The following NECTIN1 variants were observed in gnomAD, a reference collection of about 807,000 sequenced individuals.
The protein encoded by NECTIN1 is nectin cell adhesion molecule 1.
Under a neutral mutation model 48.0 loss-of-function variants are expected in NECTIN1, and 23 were observed. The observed-to-expected ratio is 0.48, with a 90% CI of 0.34 to 0.68. NECTIN1 has a LOEUF of 0.68. NECTIN1 is among the 30% of genes least tolerant of loss of function. The pLI is 0.01. For synonymous variants in NECTIN1, 270 were observed against 288.9 expected (o/e 0.93, Z 0.66); for missense variants, 591 against 709.9 (o/e 0.83, Z 1.90).
chr11:119,716,847 C>T (rs1447576328), intron 1 of NECTIN1, among the ~76,000 whole-genome samples: 1 of 152,218 alleles, frequency 6.6e-6, no homozygotes, highest in Non-Finnish European at 1.5e-5. Flanking sequence ...CAGGCGCGTG[C>T]ACACGCGCGC....
chr11:119,722,503 G>A (rs891056018), intron 1 of NECTIN1, among the ~76,000 whole-genome samples: 1 of 152,234 alleles, frequency 6.6e-6, no homozygotes, highest in African/African-American at 2.4e-5. Flanking sequence ...CTATGGCCAC[G>A]GCTAGCCTCC....
At chr11:119,713,338 A>C (rs1331743822) in intron 1 of NECTIN1, among the ~76,000 whole-genome samples, 1 of 152,158 alleles carries the variant, frequency 6.6e-6, no homozygotes, top group African/African-American at 2.4e-5. Flanking sequence ...AGAGCCTAGA[A>C]GGATCTCTAG....
exon 6 of NECTIN1, chr11:119,639,934 A>T (rs7940667): frequency 1.9e-6 from 3 of 1,614,074 alleles, no homozygotes; most frequent in East Asian, 2.2e-5. Context: ...GAGCACAGCA[A>T]CTAGGATGAG....
intron 1 of NECTIN1, among the ~76,000 whole-genome samples, chr11:119,700,516 T>C (rs1272409807): frequency 6.6e-6 from 1 of 152,178 alleles, no homozygotes; most frequent in African/African-American, 2.4e-5. Context: ...GCTTGGCCAG[T>C]CTGGGGGTCT....
chr11:119,695,490 G>A (rs1444538921), intron 1 of NECTIN1, among the ~76,000 whole-genome samples: 4 of 152,100 alleles, frequency 2.6e-5, no homozygotes, highest in South Asian at 4.1e-4. Flanking sequence ...CACCCCCGAC[G>A]TCCCAGCACA....
chr11:119,689,302 C>T (rs1169996329), intron 1 of NECTIN1, among the ~76,000 whole-genome samples: 1 of 152,190 alleles, frequency 6.6e-6, no homozygotes, highest in African/African-American at 2.4e-5. Context: ...CAGGTGGTTC[C>T]AGCCTCGCAG....
chr11:119,678,722 G>A lies in NECTIN1; in HGVS notation c.123C>T (p.Gly41=). ...GCAGAACCACGTCTGTGCCGATGAA[G>A]CCATACATGGAGTCGTTCACCTGGA... is the stretch of plus-strand genomic sequence containing the variant. ...QVVQVNDSMY[G]FIGTDVVLHC... is the part of the protein sequence containing the mutation. The change falls in exon 2 of 6, where the codon GGC becomes GGT. Residue 41 remains glycine (G), a synonymous_variant. Transcript: ENST00000264025. This position sits in a 1 kb window ranked among gnomAD's most constrained non-coding sequence, Gnocchi z 4.4. 1 of 1,613,632 alleles carries A rather than the reference G, an allele frequency of 6.2e-7. No homozygotes were observed. The highest frequency in any genetic ancestry group is 1.3e-5 in the African/African-American group (1 of 75,022).
rs576607125 is a variant in NECTIN1, at chr11:119,677,915, C to T, written c.431-58G>A. 6.6e-5 allele frequency: 103 copies of T among 1,563,388 alleles called. 1 individual carries two copies. Among genetic ancestry groups the T allele is most frequent in the East Asian group, 4.3e-4 (19 of 44,538 alleles). ...CCCTGTTGACTTGTCCAAGATGCAC[C>T]GGCCAAAAGGGCGTGGCATCCGTCA... On this transcript the variant is annotated intron_variant, in intron 2 of 5. Transcript: ENST00000264025. This position sits in a 1 kb window ranked among gnomAD's most constrained non-coding sequence, Gnocchi z 5.4.
chr11:119,727,807 G>A lies in NECTIN1; in HGVS notation c.79+668C>T, dbSNP rs1865936328. The stretch of plus-strand genomic sequence containing the variant: ...AAGCCCGCGGTGTCTCCTCCAGGGA[G>A]AGCCCCCAGAGCTGGGAGCAGAGTT... On this transcript the variant is annotated intron_variant, in intron 1 of 5. Coordinates refer to ENST00000264025, the MANE Select transcript of NECTIN1 (RefSeq NM_002855.5). This position sits in a 1 kb window ranked among gnomAD's most constrained non-coding sequence, Gnocchi z 4.1. Among the ~76,000 whole-genome samples the A allele has an allele frequency of 6.6e-6, 1 of 152,218 alleles. No individual in the cohort carries two copies. The highest frequency in any genetic ancestry group is 1.5e-5 in the Non-Finnish European group (1 of 68,028).
At position 119,669,651 on chromosome 11, in the gene NECTIN1, G is replaced by A. The variant is rs564649357; in HGVS notation, c.1004-4354C>T. The stretch of plus-strand genomic sequence containing the variant: ...CAATGACTCTCCCTAGAGCCTTAAC[G>A]TGCTCTGCTTGCCCTACGCCCCGCC... On this transcript the variant is annotated intron_variant, in intron 5 of 5. Transcript: ENST00000264025. Among the ~76,000 whole-genome samples, 58 of 152,124 alleles carry A rather than the reference G, an allele frequency of 3.8e-4. 1 individual carries two copies. The highest frequency in any genetic ancestry group is 1.2e-3 in the African/African-American group (51 of 41,508).
At chr11:119,647,158 CGCATGTGTGTGTGTGTGTGTGTGTGT>C (rs1246937148) in intron 5 of NECTIN1, among the ~76,000 whole-genome samples, 1 of 91,694 alleles carries the variant, frequency 1.1e-5, no homozygotes, top group African/African-American at 4.2e-5. Context: ...GAGCTTGCGG[CGCATGTGTGTGTGTGTGTGTGTGTGT>C]GTGTGTGTGT....
intron 1 of NECTIN1, among the ~76,000 whole-genome samples, chr11:119,680,899 G>C (rs1019016701): frequency 6.6e-6 from 1 of 152,244 alleles, no homozygotes; most frequent in Non-Finnish European, 1.5e-5. Flanking sequence ...ATCCAGCCAC[G>C]AGTTGGGAAG....
intron 1 of NECTIN1, among the ~76,000 whole-genome samples, chr11:119,703,839 T>C (rs1284061597): frequency 6.6e-6 from 1 of 152,178 alleles, no homozygotes; most frequent in Non-Finnish European, 1.5e-5. Context: ...GCTAGAGTAA[T>C]GAGATGCGCG....
At chr11:119,703,063 T>G (rs1865484209) in intron 1 of NECTIN1, among the ~76,000 whole-genome samples, 1 of 152,232 alleles carries the variant, frequency 6.6e-6, no homozygotes, top group Non-Finnish European at 1.5e-5. Context: ...CATGAGAACA[T>G]GCATGGCACC....
At chr11:119,650,534 A>C (rs1864473860) in intron 5 of NECTIN1, among the ~76,000 whole-genome samples, 1 of 152,196 alleles carries the variant, frequency 6.6e-6, no homozygotes, top group South Asian at 2.1e-4. Context: ...GGGGCCTGGG[A>C]TCCCCTGTGG....
intron 1 of NECTIN1, among the ~76,000 whole-genome samples, chr11:119,700,421 T>C (rs1184504429): frequency 3.3e-5 from 5 of 152,296 alleles, no homozygotes; most frequent in Admixed American, 3.3e-4. Flanking sequence ...CAGTGAACTG[T>C]GTGGCTTTCT....
rs889636782 is a variant in NECTIN1 at position 119,709,549 on chromosome 11, G to T, written c.79+18926C>A. Among the ~76,000 whole-genome samples the T allele has an allele frequency of 6.6e-6, 1 of 152,184 alleles. No homozygotes were observed. Among genetic ancestry groups the T allele is most frequent in the Non-Finnish European group, 1.5e-5 (1 of 68,040 alleles). ...GTGGAGGTTCAGGGGTTGGGGAAGG[G>T]AAGGGCTAGCTCCCTAGTCTGTAAG... On this transcript the variant is annotated intron_variant, in intron 1 of 5. Transcript: ENST00000264025. The surrounding 1 kb of genome is among the most constrained non-coding windows in gnomAD (Gnocchi z 4.1).
intron 1 of NECTIN1, among the ~76,000 whole-genome samples, chr11:119,706,793 C>T (rs554139856): frequency 2.6e-5 from 4 of 152,296 alleles, no homozygotes; most frequent in South Asian, 2.1e-4. Flanking sequence ...ACAGCCTTTT[C>T]GGAGCATTTG....
chr11:119,648,263 T>TGGTGGTGGTG (rs1565376357), intron 5 of NECTIN1, among the ~76,000 whole-genome samples: 1 of 44,824 alleles, frequency 2.2e-5, no homozygotes, highest in Admixed American at 3.7e-4. Flanking sequence ...GAGGTGGTAA[T>TGGTGGTGGTG]AGTGGTGGTG....
Sources: gnomAD v4.1 joint callset for allele counts (sites outside exome capture counted in the v4.1 genomes callset) on GRCh38, gnomAD v4.1.1 for gene constraint, Gnocchi (gnomAD v3.1) non-coding constraint, MANE v1.5 for transcripts, NCBI Gene and HGNC (gene_info 2026-07-23, HGNC 2026-07-21) for gene names.